The following DYRK1A variants were observed in gnomAD, a reference collection of about 807,000 sequenced individuals.
DYRK1A encodes dual specificity tyrosine phosphorylation regulated kinase 1A, also known as dual specificity tyrosine-phosphorylation-regulated kinase 1A.
Under a neutral mutation model 79.7 loss-of-function variants are expected in DYRK1A, and 9 were observed. That is an observed-to-expected ratio of 0.11 (90% confidence interval 0.07 to 0.20). The LOEUF (loss-of-function observed/expected upper bound fraction) is 0.20. Ranked by LOEUF, DYRK1A falls within the 10% of genes least tolerant of loss-of-function variation. The pLI is 1.00. For synonymous variants in DYRK1A, 349 were observed against 329.7 expected (o/e 1.06, Z -0.63); for missense variants, 622 against 956.0 (o/e 0.65, Z 4.61).
chr21:37,469,300 A>G (rs2052140310), intron 2 of DYRK1A, among the ~76,000 whole-genome samples: 1 of 152,220 alleles, frequency 6.6e-6, no homozygotes, highest in African/African-American at 2.4e-5. Flanking sequence ...AGAAGCTTAC[A>G]AGTGGCAGTG....
At chr21:37,430,439 T>G in intron 2 of DYRK1A, 7 of 981,636 alleles carry the variant, frequency 7.1e-6, no homozygotes, top group Non-Finnish European at 8.5e-6. Context: ...TTCTATGATA[T>G]GTGTTCAACT....
intron 1 of DYRK1A, among the ~76,000 whole-genome samples, chr21:37,382,241 T>G (rs2049672717): frequency 6.6e-6 from 1 of 151,842 alleles, no homozygotes; most frequent in East Asian, 1.9e-4. Flanking sequence ...TAAATTTTTT[T>G]TTATAGTGAT....
At chr21:37,473,093 A>T (rs185787848) in intron 3 of DYRK1A, among the ~76,000 whole-genome samples, 1 of 152,246 alleles carries the variant, frequency 6.6e-6, no homozygotes, top group East Asian at 1.9e-4. Flanking sequence ...ACATAACCAC[A>T]GTCTCTCATT....
intron 1 of DYRK1A, among the ~76,000 whole-genome samples, chr21:37,387,945 G>A (rs2049792904): frequency 6.6e-6 from 1 of 151,998 alleles, no homozygotes; most frequent in African/African-American, 2.4e-5. Context: ...CTATGGAAAA[G>A]GTAGAAAATA....
chr21:37,502,130 C>G (rs1039440053), intron 9 of DYRK1A: 3 of 151,836 alleles, frequency 2.0e-5, no homozygotes, highest in Middle Eastern at 3.4e-3. Context: ...CATGTGTAGA[C>G]ACACACACAC....
chr21:37,382,947 T>A (rs563368177), intron 1 of DYRK1A, among the ~76,000 whole-genome samples: 1 of 152,346 alleles, frequency 6.6e-6, no homozygotes, highest in East Asian at 1.9e-4. Flanking sequence ...GTTCATTAGT[T>A]TTTTTGGATT....
chr21:37,450,543 A>C (rs1384932483), intron 2 of DYRK1A, among the ~76,000 whole-genome samples: 3 of 152,208 alleles, frequency 2.0e-5, no homozygotes, highest in Non-Finnish European at 2.9e-5. Flanking sequence ...ATGTGCCAAC[A>C]CAAAAGAATT....
chr21:37,464,281 C>G, intron 2 of DYRK1A: 1 of 498,804 alleles, frequency 2.0e-6, no homozygotes, highest in Non-Finnish European at 4.0e-6. Flanking sequence ...CAGTGCTGAT[C>G]CATACTGGTA....
rs1228885120 is a variant in DYRK1A at position 37,522,458 on chromosome 21, C to T, written c.*9927C>T. ...AGTTCTCCACGCTGACCTTGACTTT[C>T]GAGATCACATACCAAGACCTTCAGC... is the stretch of plus-strand genomic sequence containing the variant. On this transcript the variant is annotated 3_prime_UTR_variant, in exon 12 of 12. Transcript: ENST00000647188. 2 of 152,264 alleles carry T rather than the reference C, an allele frequency of 1.3e-5. No homozygotes were observed. Among genetic ancestry groups the T allele is most frequent in the African/African-American group, 2.4e-5 (1 of 41,426 alleles). The allele number at this position is 152,264 out of a possible 1,614,324, so 9.4% of individuals were successfully genotyped here.
At chr21:37,490,853 G>T (rs540650055) in intron 7 of DYRK1A, among the ~76,000 whole-genome samples, 1 of 151,996 alleles carries the variant, frequency 6.6e-6, no homozygotes, top group African/African-American at 2.4e-5. Flanking sequence ...GAGATGGAAT[G>T]ATTAAATATT....
At position 37,493,114 on chromosome 21, in the gene DYRK1A, T is replaced by C; in HGVS notation, c.1022T>C (p.Ile341Thr). 1 of 1,613,560 alleles carries C rather than the reference T, an allele frequency of 6.2e-7. No homozygotes were observed. The highest frequency in any genetic ancestry group is 8.5e-7 in the Non-Finnish European group (1 of 1,179,576). Residue 341 changes from isoleucine to threonine, a missense_variant, in exon 8 of 12, where the codon ATT becomes ACT. Physicochemically the swap from Ile to Thr is moderately conservative, Grantham distance 89. Around this residue, in one of 5 missense-constraint regions of DYRK1A, gnomAD observed 138 missense variants for 346.4 expected, o/e 0.40. Coordinates refer to ENST00000647188, the MANE Select transcript of DYRK1A (RefSeq NM_001347721.2). ...ATTGATATGTGGTCCCTCGGGTGTA[T>C]TTTGGTTGAAATGCACACTGGAGAA... is the stretch of plus-strand genomic sequence containing the variant. ...LAIDMWSLGCILVEMHTGEPL... is the reference protein window; with the variant it reads ...LAIDMWSLGCTLVEMHTGEPL...
In DYRK1A at chr21:37,462,408, C is replaced by T. The variant is rs144308789; in HGVS notation, c.11-10276C>T. 3.8e-3 allele frequency among the ~76,000 whole-genome samples: 577 copies of T among 152,296 alleles called. 1 individual carries two copies. Among genetic ancestry groups the T allele is most frequent in the Admixed American group, 0.013 (197 of 15,294 alleles). Reference sequence around the variant, plus strand: ...AGCCTTTACTGTAGGGCTGGATTAGCCCTAGCCCTAAATGTGGATTTTCTG... The same window carrying T: ...AGCCTTTACTGTAGGGCTGGATTAGTCCTAGCCCTAAATGTGGATTTTCTG... On this transcript the variant is annotated intron_variant, in intron 2 of 11. Transcript: ENST00000647188.
In DYRK1A at chr21:37,517,812, C is replaced by T. The variant is rs1218369208; in HGVS notation, c.*5281C>T. 2 of 152,140 alleles carry T rather than the reference C, an allele frequency of 1.3e-5. No individual in the cohort carries two copies. The highest frequency in any genetic ancestry group is 3.8e-4 in the East Asian group (2 of 5,198). The allele number at this position is 152,140 out of a possible 1,614,324, so 9.4% of individuals were successfully genotyped here. A position where few individuals can be genotyped will look rare whatever the true frequency, so the allele number is the denominator to read the frequency against. The stretch of plus-strand genomic sequence containing the variant: ...GACAGAAAGACTGCAGAGAAGGGCA[C>T]TGCTGGGGTGGGGTTTGTTAACTCC... On this transcript the variant is annotated 3_prime_UTR_variant, in exon 12 of 12. Transcript: ENST00000647188.
intron 5 of DYRK1A, among the ~76,000 whole-genome samples, chr21:37,482,607 C>T (rs567091988): frequency 7.3e-4 from 111 of 152,292 alleles, no homozygotes; most frequent in African/African-American, 2.6e-3. Context: ...GCACCACTGT[C>T]ATTGATAACA....
At chr21:37,480,026 C>T (rs375185982) in intron 4 of DYRK1A, among the ~76,000 whole-genome samples, 24 of 152,100 alleles carry the variant, frequency 1.6e-4, no homozygotes, top group East Asian at 1.4e-3. Flanking sequence ...TTTCATTAAT[C>T]GTTATATTTT....
chr21:37,479,630 T>G (rs1451542733), intron 4 of DYRK1A, among the ~76,000 whole-genome samples: 4 of 124,212 alleles, frequency 3.2e-5, no homozygotes, highest in African/African-American at 9.9e-5. Context: ...TTTTTTTTTT[T>G]TTTTTTGGAG....
intron 2 of DYRK1A, 55 bp from the exon 3 acceptor site, chr21:37,472,629 G>T: frequency 7.2e-7 from 1 of 1,389,580 alleles, no homozygotes; most frequent in Non-Finnish European, 9.7e-7. Context: ...TATGTCAAAT[G>T]ATACAAACAT....
chr21:37,513,927 T>C lies in DYRK1A; in HGVS notation c.*1396T>C, dbSNP rs1008098789. 6.5e-6 allele frequency: 1 copy of C among 152,794 alleles called. No individual in the cohort carries two copies. The highest frequency in any genetic ancestry group is 1.9e-4 in the East Asian group (1 of 5,190). The allele number at this position is 152,794 out of a possible 1,614,324, so 9.5% of individuals were successfully genotyped here. A position where few individuals can be genotyped will look rare whatever the true frequency, so the allele number is the denominator to read the frequency against. ...CCATTTTTAAATGTCAGTTGAAAAT[T>C]ATGGCTGTACTATTGCTTAAACAAA... is the stretch of plus-strand genomic sequence containing the variant. On this transcript the variant is annotated 3_prime_UTR_variant, in exon 12 of 12. Coordinates refer to ENST00000647188, the MANE Select transcript of DYRK1A (RefSeq NM_001347721.2).
At position 37,367,466 on chromosome 21, in the gene DYRK1A, A is replaced by G. The variant is rs969879189; in HGVS notation, c.-239A>G. 4.7e-5 allele frequency: 7 copies of G among 148,278 alleles called. No homozygotes were observed. Among genetic ancestry groups the G allele is most frequent in the African/African-American group, 1.7e-4 (7 of 40,794 alleles). The allele number at this position is 148,278 out of a possible 1,614,324, so 9.2% of individuals were successfully genotyped here. A position where few individuals can be genotyped will look rare whatever the true frequency, so the allele number is the denominator to read the frequency against. Reference sequence around the variant, plus strand: ...GCGCCGCTGGAACCGCGAGCCGAGGAGAGACTGAGCAGGCTGCGGCGCGGC... The same window carrying G: ...GCGCCGCTGGAACCGCGAGCCGAGGGGAGACTGAGCAGGCTGCGGCGCGGC... On this transcript the variant is annotated 5_prime_UTR_variant, in exon 1 of 12. Coordinates refer to ENST00000647188, the MANE Select transcript of DYRK1A (RefSeq NM_001347721.2).
Sources: allele counts gnomAD v4.1 joint callset (sites outside exome capture counted in the v4.1 genomes callset), GRCh38; gene constraint gnomAD v4.1.1; regional missense constraint gnomAD v4.1.1; transcripts MANE v1.5; gene names NCBI Gene and HGNC (gene_info 2026-07-23, HGNC 2026-07-21).